The following PLD4 variants were observed in gnomAD, a reference collection of about 807,000 sequenced individuals.
The protein encoded by PLD4 is phospholipase D family member 4.
Under a neutral mutation model 52.3 loss-of-function variants are expected in PLD4, and 54 were observed. The observed-to-expected ratio is 1.03, with a 90% CI of 0.83 to 1.30. The LOEUF (loss-of-function observed/expected upper bound fraction) is 1.30. Among genes scored for constraint, PLD4 ranks in the 50% most tolerant of loss-of-function variants. PLD4 has a pLI of 0.00. For missense variants in PLD4, 731 were observed against 671.1 expected (o/e 1.09, Z -0.99); for synonymous variants, 264 against 286.5 (o/e 0.92, Z 0.79).
intron 5 of PLD4, among the ~76,000 whole-genome samples, chr14:104,929,767 G>A (rs907030697): frequency 6.6e-6 from 1 of 152,196 alleles, no homozygotes; most frequent in African/African-American, 2.4e-5. Context: ...ACAAAGGCAG[G>A]CTCTGGAGCT....
chr14:104,927,182 G>T lies in PLD4; in HGVS notation c.42G>T (p.Trp14Cys). ...GGAAAGCAGCAGTGGCCCCCACATG[G>T]CCATGCTCCATGCCGCCCCGCCGCC... ...PLWKAAVAPT[W>C]PCSMPPRRPW... is the part of the protein sequence containing the mutation. Residue 14 changes from tryptophan to cysteine, a missense_variant, in exon 2 of 11, where the codon TGG becomes TGT. By Grantham distance (215) the Trp-to-Cys change is radical. Transcript: ENST00000392593. 6.4e-7 allele frequency: 1 copy of T among 1,562,966 alleles called. No individual in the cohort carries two copies. The highest frequency in any genetic ancestry group is 8.7e-7 in the Non-Finnish European group (1 of 1,154,116).
intron 4 of PLD4, 182 bp from the exon 5 acceptor site, chr14:104,929,125 A>G: frequency 8.4e-7 from 1 of 1,196,278 alleles, no homozygotes; most frequent in Non-Finnish European, 1.2e-6. Context: ...CCTCTGGGTG[A>G]CTAAACACTC....
At chr14:104,927,383 C>T (rs192554007) in intron 2 of PLD4, among the ~76,000 whole-genome samples, 153 bp downstream of exon 2, 1 of 152,286 alleles carries the variant, frequency 6.6e-6, no homozygotes, top group East Asian at 1.9e-4. Flanking sequence ...TGGGCTGCTC[C>T]AGACCTTCCC....
At chr14:104,929,081 G>T (rs896395770) in intron 4 of PLD4, 149 bp downstream of exon 4, 2 of 1,236,786 alleles carry the variant, frequency 1.6e-6, no homozygotes, top group East Asian at 5.1e-5. Context: ...CGCTCCTTTG[G>T]GGGCTCTAAC....
At position 104,927,038 on chromosome 14, in the gene PLD4, G is replaced by T. The variant is rs980251379; in HGVS notation, c.1-103G>T. 142 of 1,032,504 alleles carry T rather than the reference G, an allele frequency of 1.4e-4. 1 individual carries two copies. The highest frequency in any genetic ancestry group is 1.7e-4 in the Non-Finnish European group (128 of 762,308). 64.0% of individuals were successfully genotyped at this position (1,032,504 alleles called of 1,614,324 possible). ...GTGGGGGGCTTTTGGGGGCTTATGT[G>T]GGTGTCTGTGCAGGGGTGTCCCCAG... is the stretch of plus-strand genomic sequence containing the variant. On this transcript the variant is annotated intron_variant, in intron 1 of 10. Transcript: ENST00000392593.
Position 104,933,039 on chromosome 14 carries a change from G to T in PLD4, c.*75G>T, listed in dbSNP as rs764559724. 11 of 1,433,472 alleles carry T rather than the reference G, an allele frequency of 7.7e-6. No homozygotes were observed. The highest frequency in any genetic ancestry group is 1.4e-5 in the South Asian group (1 of 71,204). 88.8% of individuals were successfully genotyped at this position (1,433,472 alleles called of 1,614,324 possible). ...TCTGACCCCGGCCTGGGCTTCAGCC[G>T]CTTCCTCCCGCAAGCAGCCCGGGTC... On this transcript the variant is annotated 3_prime_UTR_variant, in exon 11 of 11. Transcript: ENST00000392593.
At chr14:104,931,069 C>A in intron 7 of PLD4, 127 bp downstream of exon 7, 2 of 1,077,706 alleles carry the variant, frequency 1.9e-6, no homozygotes, top group Non-Finnish European at 2.7e-6. Flanking sequence ...AGGCAGCCAG[C>A]ACCATGGGTG....
Position 104,927,806 on chromosome 14 carries a change from G to A in PLD4, c.224G>A (p.Gly75Asp), listed in dbSNP as rs867096832. The part of the protein sequence containing the change: ...PKDVPRSWEH[G>D]SSPAWEPLEA... ...GACGTGCCCAGGTCCTGGGAGCATG[G>A]CTCCAGCCCAGCTTGGGAGCCCCTG... Residue 75 changes from glycine to aspartate, a missense_variant, in exon 3 of 11, where the codon GGC becomes GAC. Gly to Asp is a moderately conservative substitution (Grantham distance 94, BLOSUM62 -1). Transcript: ENST00000392593. 1 of 1,594,658 alleles carries A rather than the reference G, an allele frequency of 6.3e-7. No homozygotes were observed. The highest frequency in any genetic ancestry group is 8.5e-7 in the Non-Finnish European group (1 of 1,174,928).
In PLD4 at chr14:104,932,277, G is replaced by T. The variant is rs1456619635; in HGVS notation, c.1243G>T (p.Val415Leu). The T allele has an allele frequency of 2.5e-6, 4 of 1,612,612 alleles. No individual in the cohort carries two copies. Among genetic ancestry groups the T allele is most frequent in the South Asian group, 2.2e-5 (2 of 91,092 alleles). ...CCCTAAGAAAGTCTTCATCGTGCCG[G>T]TGGGGAACCATTCCAACATCCCATT... ...SVDVKVFIVP[V>L]GNHSNIPFSR... Residue 415 changes from valine (V) to leucine (L), a missense_variant, in exon 10 of 11, where the codon GTG (valine) becomes TTG (leucine). Coordinates refer to ENST00000392593, the MANE Select transcript of PLD4 (RefSeq NM_138790.5). This position sits in a 1 kb window ranked among gnomAD's most constrained non-coding sequence, Gnocchi z 6.5.
At chr14:104,927,403 C>T (rs1490610773) in intron 2 of PLD4, among the ~76,000 whole-genome samples, 173 bp downstream of exon 2, 1 of 152,188 alleles carries the variant, frequency 6.6e-6, no homozygotes, top group Non-Finnish European at 1.5e-5. Flanking sequence ...CTTTATGCCC[C>T]TGCTGGAGGT....
intron 1 of PLD4, 99 bp from the exon 2 acceptor site, chr14:104,927,042 G>C: frequency 9.2e-7 from 1 of 1,083,726 alleles, no homozygotes; most frequent in Non-Finnish European, 1.2e-6. Flanking sequence ...TTATGTGGGT[G>C]TCTGTGCAGG....
Position 104,924,965 on chromosome 14 carries a change from T to A in PLD4, c.-26T>A, listed in dbSNP as rs1897408422. The stretch of plus-strand genomic sequence containing the variant: ...CTGCAGTCTGCGGCTGGAATCAGGA[T>A]AGACACCAAGGCAGGACCCCCAGAG... On this transcript the variant is annotated 5_prime_UTR_variant, in exon 1 of 11. Coordinates refer to ENST00000392593, the MANE Select transcript of PLD4 (RefSeq NM_138790.5). This position sits in a 1 kb window ranked among gnomAD's most constrained non-coding sequence, Gnocchi z 4.4. The A allele has an allele frequency of 3.9e-5, 6 of 152,696 alleles. No individual in the cohort carries two copies. Among genetic ancestry groups the A allele is most frequent in the Admixed American group, 3.9e-4 (6 of 15,284 alleles). The allele number at this position is 152,696 out of a possible 1,614,324, so 9.5% of individuals were successfully genotyped here. A position where few individuals can be genotyped will look rare whatever the true frequency, so the allele number is the denominator to read the frequency against.
chr14:104,930,038 T>A lies in PLD4; in HGVS notation c.650T>A (p.Phe217Tyr), dbSNP rs1303024960. The change falls in exon 6 of 11, where the codon TTC becomes TAC. Residue 217 changes from phenylalanine (F) to tyrosine (Y), a missense_variant. Transcript: ENST00000392593. ...RLTRGVLHSK[F>Y]WVVDGRHIYM... is the part of the protein sequence containing the mutation. ...ACCAGGGGTGTTTTGCACTCCAAATTCTGGGTTGTGGATGGACGGCACATA... is the reference window on the plus strand; with the variant it reads ...ACCAGGGGTGTTTTGCACTCCAAATACTGGGTTGTGGATGGACGGCACATA... The A allele has an allele frequency of 6.2e-7, 1 of 1,613,504 alleles. No individual in the cohort carries two copies. The highest frequency in any genetic ancestry group is 2.2e-5 in the East Asian group (1 of 44,898).
At position 104,931,989 on chromosome 14, in the gene PLD4, G is replaced by C. The variant is rs1458239811; in HGVS notation, c.1059-23G>C. ...CTATCGGGCCCGGCTTGTAAGCAGA[G>C]CCCCGTCCCTCCCCACCCCAAGGTA... is the stretch of plus-strand genomic sequence containing the variant. On this transcript the variant is annotated intron_variant, in intron 8 of 10. Transcript: ENST00000392593. The C allele has an allele frequency of 2.6e-6, 4 of 1,554,166 alleles. No individual in the cohort carries two copies. In the East Asian group the frequency reaches 9.2e-5, roughly 36 times the overall value.
intron 4 of PLD4, 78 bp from the exon 5 acceptor site, chr14:104,929,229 G>A: frequency 1.3e-6 from 2 of 1,545,498 alleles, no homozygotes; most frequent in Non-Finnish European, 1.7e-6. Context: ...GGCCTCCTGA[G>A]GAGGACATGG....
chr14:104,928,986 G>C, intron 4 of PLD4, 54 bp downstream of exon 4: 1 of 1,548,786 alleles, frequency 6.5e-7, no homozygotes, highest in Non-Finnish European at 8.8e-7. Flanking sequence ...CAGCAAGTCA[G>C]GCTGCCTATC....
rs1315583815 is a variant in PLD4 at position 104,933,209 on chromosome 14, G to C, written c.*245G>C. ...CCCTTCCCTGACTCCTGGCCCACAG[G>C]CCAGGCCTAAAAAAAACTCGTGGCT... On this transcript the variant is annotated 3_prime_UTR_variant, in exon 11 of 11. Coordinates refer to ENST00000392593, the MANE Select transcript of PLD4 (RefSeq NM_138790.5). 1.1e-5 allele frequency: 5 copies of C among 448,808 alleles called. No individual in the cohort carries two copies. The highest frequency in any genetic ancestry group is 1.9e-5 in the Non-Finnish European group (5 of 256,472). 27.8% of individuals were successfully genotyped at this position (448,808 alleles called of 1,614,324 possible). A position where few individuals can be genotyped will look rare whatever the true frequency, so the allele number is the denominator to read the frequency against.
At chr14:104,925,877 G>A (rs1897439049) in intron 1 of PLD4, among the ~76,000 whole-genome samples, 1 of 152,074 alleles carries the variant, frequency 6.6e-6, no homozygotes, top group South Asian at 2.1e-4. Flanking sequence ...GACTTGGCCT[G>A]AGTCCCCTGT....
At position 104,932,252 on chromosome 14, in the gene PLD4, C is replaced by T; in HGVS notation, c.1225-7C>T. On this transcript the variant is annotated splice_region_variant and splice_polypyrimidine_tract_variant and intron_variant, in intron 9 of 10. Transcript: ENST00000392593. This position sits in a 1 kb window ranked among gnomAD's most constrained non-coding sequence, Gnocchi z 6.5. Reference sequence around the variant, plus strand: ...CCTTCCTGACGCGCTGCCTCTGCTCCCCTAAGAAAGTCTTCATCGTGCCGG... The same window carrying T: ...CCTTCCTGACGCGCTGCCTCTGCTCTCCTAAGAAAGTCTTCATCGTGCCGG... 1 of 1,612,658 alleles carries T rather than the reference C, an allele frequency of 6.2e-7. No homozygotes were observed.
Sources: allele counts gnomAD v4.1 joint callset (sites outside exome capture counted in the v4.1 genomes callset), GRCh38; gene constraint gnomAD v4.1.1; non-coding constraint Gnocchi (gnomAD v3.1); transcripts MANE v1.5; gene names NCBI Gene and HGNC (gene_info 2026-07-23, HGNC 2026-07-21).